Variants in INVS observed in about 807,000 individuals in gnomAD.
INVS encodes inversin, also known as inversion of embryo turning homolog.
INVS carries 86 observed loss-of-function variants against 108.8 expected under a neutral mutation model. The ratio of observed to expected loss-of-function variants is 0.79; its 90% CI spans 0.66 to 0.95. The LOEUF is 0.95. Among genes scored for constraint, INVS ranks in the 40% least tolerant of loss-of-function variants. The pLI is 0.00. For synonymous variants in INVS, 455 were observed against 473.5 expected (o/e 0.96, Z 0.51); for missense variants, 1,169 against 1,297.4 (o/e 0.90, Z 1.52).
chr9:100,275,734 G>A (rs1037795900), intron 12 of INVS, among the ~76,000 whole-genome samples: 12 of 152,178 alleles, frequency 7.9e-5, no homozygotes, highest in Admixed American at 4.6e-4. Context: ...CTTAAGTAAA[G>A]TGATTTCTAA....
In INVS at chr9:100,265,054, T is replaced by G. The variant is rs1481121618; in HGVS notation, c.1571+126T>G. On this transcript the variant is annotated intron_variant, in intron 11 of 16. Coordinates refer to ENST00000262457, the MANE Select transcript of INVS (RefSeq NM_014425.5). ...GCCTCCTGGGTTCAAGCAATTCTTC[T>G]CCTTCAGCCTCCTGAGTACCTGGGA... 5 of 696,654 alleles carry G rather than the reference T, an allele frequency of 7.2e-6. No individual in the cohort carries two copies. In the Admixed American group the frequency reaches 1.1e-4, roughly 15 times the overall value. The allele number at this position is 696,654 out of a possible 1,614,324, so 43.2% of individuals were successfully genotyped here. A position where few individuals can be genotyped will look rare whatever the true frequency, so the allele number is the denominator to read the frequency against.
chr9:100,296,024 G>C lies in INVS; in HGVS notation c.2787-893G>C, dbSNP rs1353873330. 2.0e-5 allele frequency among the ~76,000 whole-genome samples: 3 copies of C among 152,138 alleles called. No individual in the cohort carries two copies. In the South Asian group the frequency reaches 6.2e-4, roughly 32 times the overall value. ...TGTAGGCTGACTGAAATCAGCCTTTGGGGAAGGAGGGAGGGGCTGCACCAA... is the reference window on the plus strand; with the variant it reads ...TGTAGGCTGACTGAAATCAGCCTTTCGGGAAGGAGGGAGGGGCTGCACCAA... On this transcript the variant is annotated intron_variant, in intron 14 of 16. Coordinates refer to ENST00000262457, the MANE Select transcript of INVS (RefSeq NM_014425.5).
intron 3 of INVS, among the ~76,000 whole-genome samples, chr9:100,153,641 C>T (rs568896793): frequency 6.6e-6 from 1 of 152,302 alleles, no homozygotes; most frequent in South Asian, 2.1e-4. Context: ...CAGAATACCA[C>T]AGACTGGGTA....
chr9:100,272,641 G>T (rs1366768655), intron 11 of INVS, among the ~76,000 whole-genome samples: 2 of 152,154 alleles, frequency 1.3e-5, no homozygotes, highest in South Asian at 4.2e-4. Context: ...AACTGACATG[G>T]TTAGCAGCAC....
intron 3 of INVS, among the ~76,000 whole-genome samples, chr9:100,189,614 A>T (rs1205374287): frequency 6.6e-6 from 1 of 151,844 alleles, no homozygotes. Context: ...TACCTTATTG[A>T]TACTTGATTA....
intron 3 of INVS, among the ~76,000 whole-genome samples, chr9:100,213,483 G>A (rs1830897026): frequency 6.6e-6 from 1 of 151,920 alleles, no homozygotes; most frequent in Admixed American, 6.6e-5. Context: ...TGGGATACAG[G>A]CATGAGCCAC....
intron 1 of INVS, among the ~76,000 whole-genome samples, chr9:100,100,612 TAA>T (rs1491545791): frequency 1.2e-5 from 1 of 86,658 alleles, no homozygotes; most frequent in African/African-American, 4.7e-5. Context: ...ATAATATATA[TAA>T]TATATGTATA....
intron 12 of INVS, among the ~76,000 whole-genome samples, chr9:100,282,008 T>C (rs767514766): frequency 1.8e-4 from 28 of 152,160 alleles, no homozygotes; most frequent in Admixed American, 4.6e-4. Flanking sequence ...TCCCCCTTAA[T>C]GGCAGTGAGA....
intron 4 of INVS, 101 bp from the exon 5 acceptor site, chr9:100,229,559 A>C: frequency 1.0e-6 from 1 of 977,398 alleles, no homozygotes. Context: ...ATACAGGGCA[A>C]CTACTGTATA....
chr9:100,284,070 C>T (rs1833357201), intron 12 of INVS, among the ~76,000 whole-genome samples: 2 of 152,168 alleles, frequency 1.3e-5, no homozygotes, highest in South Asian at 4.1e-4. Context: ...GCCTGGTTAT[C>T]TGTCATGTGT....
At chr9:100,138,457 C>T (rs1459900118) in intron 3 of INVS, among the ~76,000 whole-genome samples, 1 of 151,872 alleles carries the variant, frequency 6.6e-6, no homozygotes, top group African/African-American at 2.4e-5. Flanking sequence ...ACCCTCAGAG[C>T]AACATCTTTT....
At chr9:100,298,835 T>TAGAAACTTTCAAAGCAATCA (rs1833867089) in intron 16 of INVS, among the ~76,000 whole-genome samples, 3 of 152,080 alleles carry the variant, frequency 2.0e-5, no homozygotes, top group Non-Finnish European at 4.4e-5. Flanking sequence ...GTGGGGTAGT[T>TAGAAACTTTCAAAGCAATCA]AGAAACTTTC....
At position 100,302,063 on chromosome 9, in the gene INVS, A is replaced by T. The variant is rs1207331117; in HGVS notation, c.*1389A>T. 1.6e-5 allele frequency: 9 copies of T among 566,742 alleles called. No homozygotes were observed. Among genetic ancestry groups the T allele is most frequent in the Non-Finnish European group, 2.7e-5 (9 of 334,674 alleles). 35.1% of individuals were successfully genotyped at this position (566,742 alleles called of 1,614,324 possible). A position where few individuals can be genotyped will look rare whatever the true frequency, so the allele number is the denominator to read the frequency against. On this transcript the variant is annotated 3_prime_UTR_variant, in exon 17 of 17. Transcript: ENST00000262457. ...AAACATTATTTTCATATATCAGTGC[A>T]AAGAAAGAAGGTTCGTAAACTTCTT...
chr9:100,143,600 C>T (rs979459649), intron 3 of INVS, among the ~76,000 whole-genome samples: 4 of 151,724 alleles, frequency 2.6e-5, no homozygotes, highest in South Asian at 2.1e-4. Context: ...GAAAAGGCAG[C>T]GATGAGGTGT....
intron 3 of INVS, among the ~76,000 whole-genome samples, chr9:100,136,128 G>T (rs1337280764): frequency 1.3e-5 from 2 of 152,156 alleles, no homozygotes; most frequent in Admixed American, 6.5e-5. Flanking sequence ...TTTTCAGTTA[G>T]AAAGTGACCT....
chr9:100,112,639 A>G (rs1588007105), intron 2 of INVS, among the ~76,000 whole-genome samples: 1 of 151,688 alleles, frequency 6.6e-6, no homozygotes, highest in East Asian at 1.9e-4. Flanking sequence ...CATAAAATAC[A>G]CTAACACTAA....
In INVS at chr9:100,175,870, A is replaced by T. The variant is rs568699881; in HGVS notation, c.273+49321A>T. Reference sequence around the variant, plus strand: ...GGAACAATCCCTTCTATAGCTGTGGAGAGGAATCTCTGCAAGTCCTGCATG... The same window carrying T: ...GGAACAATCCCTTCTATAGCTGTGGTGAGGAATCTCTGCAAGTCCTGCATG... On this transcript the variant is annotated intron_variant, in intron 3 of 16. Coordinates refer to ENST00000262457, the MANE Select transcript of INVS (RefSeq NM_014425.5). The T allele has an allele frequency of 7.5e-5, 47 of 623,678 alleles. 1 individual carries two copies. The highest frequency in any genetic ancestry group is 6.3e-4 in the South Asian group (46 of 73,496). The allele number at this position is 623,678 out of a possible 1,614,324, so 38.6% of individuals were successfully genotyped here. A position where few individuals can be genotyped will look rare whatever the true frequency, so the allele number is the denominator to read the frequency against.
intron 3 of INVS, among the ~76,000 whole-genome samples, chr9:100,208,566 A>G (rs1476371942): frequency 6.6e-6 from 1 of 152,222 alleles, no homozygotes; most frequent in Non-Finnish European, 1.5e-5. Context: ...TTCGCAGAGT[A>G]GGTGAATTGA....
chr9:100,151,141 A>G (rs558864716), intron 3 of INVS, among the ~76,000 whole-genome samples: 1 of 152,206 alleles, frequency 6.6e-6, no homozygotes, highest in Non-Finnish European at 1.5e-5. Flanking sequence ...CAGTCAGAAC[A>G]AAGGCCTTCA....
Sources: allele counts gnomAD v4.1 joint callset (sites outside exome capture counted in the v4.1 genomes callset), GRCh38; gene constraint gnomAD v4.1.1; transcripts MANE v1.5; gene names NCBI Gene and HGNC (gene_info 2026-07-23, HGNC 2026-07-21).